The following EEF2 variants were observed in gnomAD, a reference collection of about 807,000 sequenced individuals.
The protein encoded by EEF2 is eukaryotic translation elongation factor 2, also known as elongation factor 2.
A neutral mutation model predicts 85.3 loss-of-function variants in EEF2; 21 were observed. That is an observed-to-expected ratio of 0.25 (90% CI 0.17 to 0.35). The LOEUF (loss-of-function observed/expected upper bound fraction) is 0.35. EEF2 is among the 10% of genes least tolerant of loss of function. EEF2 has a pLI of 1.00. For missense variants in EEF2, 825 were observed against 1,225.3 expected (o/e 0.67, Z 4.88); for synonymous variants, 723 against 508.8 (o/e 1.42, Z -5.67).
chr19:3,983,207 G>A lies in EEF2; in HGVS notation c.303C>T (p.Asn101=), dbSNP rs1178658707. ...CGACATGCCCGGGGGAGTCAATGAG[G>A]TTGATGAGGAAGCCGGCACCGTCCT... ...QSKDGAGFLI[N]LIDSPGHVDF... is the part of the protein sequence containing the mutation. Residue 101 remains asparagine (N), a synonymous_variant, in exon 3 of 15, where the codon AAC becomes AAT. Transcript: ENST00000309311. 2.5e-6 allele frequency: 4 copies of A among 1,614,056 alleles called. No homozygotes were observed. Among genetic ancestry groups the A allele is most frequent in the African/African-American group, 2.7e-5 (2 of 74,994 alleles).
In EEF2 at chr19:3,985,252, C is replaced by G. The variant is rs62131469; in HGVS notation, c.3+126G>C. 0.091 allele frequency: 101,218 copies of G among 1,106,618 alleles called. 5,160 individuals are homozygous for G. The highest frequency in any genetic ancestry group is 0.19 in the South Asian group (6,778 of 36,544). The allele number at this position is 1,106,618 out of a possible 1,614,324, so 68.5% of individuals were successfully genotyped here. The stretch of plus-strand genomic sequence containing the variant: ...GGCGGCCGCTTCCCCAGCCCCGGGT[C>G]CTCCGGCCCCGCCGCCGCTACGTCT... On this transcript the variant is annotated intron_variant, in intron 1 of 14. Coordinates refer to ENST00000309311, the MANE Select transcript of EEF2 (RefSeq NM_001961.4).
chr19:3,981,658 ACT>A (rs2039749100), intron 6 of EEF2, among the ~76,000 whole-genome samples: 1 of 152,126 alleles, frequency 6.6e-6, no homozygotes, highest in African/African-American at 2.4e-5. Flanking sequence ...GAAAAAGCCC[ACT>A]CTGACTCAGA....
Position 3,977,638 on chromosome 19 carries a change from G to C in EEF2, c.2068-28C>G, listed in dbSNP as rs760744693. The C allele has an allele frequency of 6.7e-7, 1 of 1,496,304 alleles. No homozygotes were observed. Among genetic ancestry groups the C allele is most frequent in the Non-Finnish European group, 8.9e-7 (1 of 1,128,058 alleles). 92.7% of individuals were successfully genotyped at this position (1,496,304 alleles called of 1,614,324 possible). A position where few individuals can be genotyped will look rare whatever the true frequency, so the allele number is the denominator to read the frequency against. Reference sequence around the variant, plus strand: ...GGGGGAGGGGGAGAGCCACCGTCAAGGGCCGGACACACCTCGGCTGCTTGC... The same window carrying C: ...GGGGGAGGGGGAGAGCCACCGTCAACGGCCGGACACACCTCGGCTGCTTGC... On this transcript the variant is annotated intron_variant, in intron 12 of 14. Transcript: ENST00000309311. The surrounding 1 kb of genome is among the most constrained non-coding windows in gnomAD (Gnocchi z 5.4).
In EEF2 at chr19:3,977,777, C is replaced by T. The variant is rs1395594707; in HGVS notation, c.2067+42G>A. On this transcript the variant is annotated intron_variant, in intron 12 of 14. Coordinates refer to ENST00000309311, the MANE Select transcript of EEF2 (RefSeq NM_001961.4). This position sits in a 1 kb window ranked among gnomAD's most constrained non-coding sequence, Gnocchi z 5.4. ...CAGGACCATGAGGTCCCTCTAGAGC[C>T]TGGAAACGGGTGTGGTCTGCACATG... 2 of 1,528,506 alleles carry T rather than the reference C, an allele frequency of 1.3e-6. No individual in the cohort carries two copies. Among genetic ancestry groups the T allele is most frequent in the Admixed American group, 2.0e-5 (1 of 51,122 alleles). 94.7% of individuals were successfully genotyped at this position (1,528,506 alleles called of 1,614,324 possible).
intron 1 of EEF2, 148 bp downstream of exon 1, chr19:3,985,230 G>T (rs1278728711): frequency 4.6e-6 from 4 of 866,934 alleles, no homozygotes; most frequent in Admixed American, 8.6e-5. Flanking sequence ...ACATGGCGGC[G>T]GCCGCTTCCC....
chr19:3,985,120 A>G (rs558733061), intron 1 of EEF2: 2 of 396,648 alleles, frequency 5.0e-6, no homozygotes, highest in Non-Finnish European at 8.9e-6. Flanking sequence ...ATCATTCCCC[A>G]CCCCCATCCC....
rs986172650 is a variant in EEF2, at chr19:3,982,042, G to A, written c.802C>T (p.Pro268Ser). Residue 268 changes from proline (P) to serine (S), a missense_variant, in exon 6 of 15, where the codon CCA becomes TCA. Transcript: ENST00000309311. ...KKLWGDRYFD[P>S]ANGKFSKSAT... ...GACTTGCTGAACTTGCCGTTGGCTG[G>A]GTCAAAGTACCTGGCAAGGAGAGGC... 1.2e-6 allele frequency: 2 copies of A among 1,614,008 alleles called. No individual in the cohort carries two copies. The highest frequency in any genetic ancestry group is 2.2e-5 in the East Asian group (1 of 44,894).
chr19:3,977,225 G>A lies in EEF2; in HGVS notation c.2373C>T (p.Asn791=), dbSNP rs771632914. Residue 791 remains asparagine (N), a synonymous_variant, in exon 14 of 15, where the codon AAC becomes AAT. Transcript: ENST00000309311. The surrounding 1 kb of genome is among the most constrained non-coding windows in gnomAD (Gnocchi z 5.4). ...MFVVKAYLPV[N]ESFGFTADLR... ...CGGGCAGGCACTCACCAAAGGACTC[G>A]TTGACGGGCAGATAGGCCTTGACCA... is the stretch of plus-strand genomic sequence containing the variant. 9.3e-6 allele frequency: 15 copies of A among 1,613,508 alleles called. No homozygotes were observed. In the East Asian group the frequency reaches 1.3e-4, roughly 14 times the overall value.
intron 6 of EEF2, 114 bp downstream of exon 6, chr19:3,981,833 G>T: frequency 2.2e-6 from 2 of 929,902 alleles, no homozygotes; most frequent in East Asian, 2.4e-5. Context: ...CTCCCATCTC[G>T]CATCTGCCCC....
Position 3,979,454 on chromosome 19 carries a change from C to T in EEF2, c.1606-18G>A, listed in dbSNP as rs1167532245. On this transcript the variant is annotated intron_variant, in intron 10 of 14. Transcript: ENST00000309311. ...ATGATGCACTGAAAGGGATGCGGGT[C>T]AGCACCAAAGGGGTAGGCGGCTCGG... The T allele has an allele frequency of 6.2e-7, 1 of 1,608,602 alleles. No homozygotes were observed.
At chr19:3,983,563 C>T (rs997867854) in intron 2 of EEF2, among the ~76,000 whole-genome samples, 1 of 152,138 alleles carries the variant, frequency 6.6e-6, no homozygotes, top group Non-Finnish European at 1.5e-5. Context: ...TTCATCACAC[C>T]TGACTCAAAG....
rs748066743 is a variant in EEF2 at position 3,982,996 on chromosome 19, T to C, written c.423A>G (p.Thr141=). ...GCTCGGCAATGGCCTGCCGCAGCAC[T>C]GTCTCCGTCTGCACGCACACGCCTG... is the stretch of plus-strand genomic sequence containing the variant. ...CVSGVCVQTE[T]VLRQAIAERI... is the part of the protein sequence containing the mutation. The change falls in exon 4 of 15, where the codon ACA becomes ACG. Residue 141 remains threonine, a synonymous_variant. Coordinates refer to ENST00000309311, the MANE Select transcript of EEF2 (RefSeq NM_001961.4). 4.7e-5 allele frequency: 76 copies of C among 1,612,644 alleles called. No homozygotes were observed. Among genetic ancestry groups the C allele is most frequent in the Non-Finnish European group, 6.4e-5 (76 of 1,179,982 alleles).
chr19:3,979,504 TTCCCTTTAG>T (rs1187031917), intron 10 of EEF2, 68 bp from the exon 11 acceptor site: 1 of 1,403,372 alleles, frequency 7.1e-7, no homozygotes, highest in Non-Finnish European at 9.8e-7. Context: ...GGCTCCCAGC[TTCCCTTTAG>T]CTAGGGACCC....
intron 6 of EEF2, 122 bp from the exon 7 acceptor site, chr19:3,981,574 G>A (rs2039747706): frequency 1.1e-6 from 1 of 901,586 alleles, no homozygotes; most frequent in Non-Finnish European, 1.7e-6. Flanking sequence ...GCAGGAGCAG[G>A]CCTGGCCTGC....
chr19:3,977,898 G>A lies in EEF2; in HGVS notation c.1988C>T (p.Thr663Ile). ...GPDGTGPNIL[T>I]DITKGVQYLN... is the part of the protein sequence containing the mutation. ...GTACTGCACACCCTTGGTGATGTCG[G>A]TGAGGATGTTGGGGCCGGTGCCGTC... Residue 663 changes from threonine (T) to isoleucine (I), a missense_variant, in exon 12 of 15, where the codon ACC (threonine) becomes ATC (isoleucine). Thr to Ile is a moderately conservative substitution (Grantham distance 89, BLOSUM62 -1). Coordinates refer to ENST00000309311, the MANE Select transcript of EEF2 (RefSeq NM_001961.4). The surrounding 1 kb of genome is among the most constrained non-coding windows in gnomAD (Gnocchi z 5.4). The A allele has an allele frequency of 6.2e-7, 1 of 1,613,694 alleles. No individual in the cohort carries two copies. The highest frequency in any genetic ancestry group is 8.5e-7 in the Non-Finnish European group (1 of 1,179,954).
rs1027564234 is a variant in EEF2, at chr19:3,976,389, G to A, written c.*165C>T. ...CTGGAAATAAATATTGAAAGAAACG[G>A]CATCAAGTGTTATGGTTGAGTGATG... On this transcript the variant is annotated 3_prime_UTR_variant, in exon 15 of 15. Coordinates refer to ENST00000309311, the MANE Select transcript of EEF2 (RefSeq NM_001961.4). 3.8e-5 allele frequency: 27 copies of A among 717,564 alleles called. No homozygotes were observed. Among genetic ancestry groups the A allele is most frequent in the African/African-American group, 1.1e-4 (6 of 55,384 alleles). 44.4% of individuals were successfully genotyped at this position (717,564 alleles called of 1,614,324 possible).
chr19:3,983,676 A>G (rs371519139), intron 2 of EEF2, among the ~76,000 whole-genome samples: 2 of 152,238 alleles, frequency 1.3e-5, no homozygotes, highest in Admixed American at 1.3e-4. Flanking sequence ...AGCCTTAGCC[A>G]GAGTCCCTCA....
Position 3,981,081 on chromosome 19 carries a change from C to G in EEF2, c.1012-102G>C. The G allele has an allele frequency of 2.0e-6, 3 of 1,476,022 alleles. No homozygotes were observed. In the South Asian group the frequency reaches 4.0e-5, roughly 20 times the overall value. The allele number at this position is 1,476,022 out of a possible 1,614,324, so 91.4% of individuals were successfully genotyped here. A position where few individuals can be genotyped will look rare whatever the true frequency, so the allele number is the denominator to read the frequency against. ...GAAGCCAAGGAAGCCAAAGTCAGGA[C>G]TAACGTTCTCCAAAGCACAGTCCCT... is the stretch of plus-strand genomic sequence containing the variant. On this transcript the variant is annotated intron_variant, in intron 7 of 14. Coordinates refer to ENST00000309311, the MANE Select transcript of EEF2 (RefSeq NM_001961.4).
At chr19:3,983,889 T>C in intron 2 of EEF2, 1 of 542,344 alleles carries the variant, frequency 1.8e-6, no homozygotes, top group Non-Finnish European at 3.3e-6. Context: ...TGGGGGCAAG[T>C]CCCCCAGGGA....
Sources: gnomAD v4.1 joint callset for allele counts (sites outside exome capture counted in the v4.1 genomes callset) on GRCh38, gnomAD v4.1.1 for gene constraint, Gnocchi (gnomAD v3.1) non-coding constraint, MANE v1.5 for transcripts, NCBI Gene and HGNC (gene_info 2026-07-23, HGNC 2026-07-21) for gene names.